ADCK2: variants seen among roughly 807,000 people sequenced by gnomAD.
ADCK2 encodes the protein aarF domain containing kinase 2.
In ADCK2, 37 loss-of-function variants were observed where a neutral mutation model predicts 52.3. That is an observed-to-expected ratio of 0.71 (90% confidence interval 0.54 to 0.93). The LOEUF is 0.93. ADCK2 is among the 40% of genes least tolerant of loss of function. The pLI is 0.00. For synonymous variants in ADCK2, 321 were observed against 349.2 expected (o/e 0.92, Z 0.90); for missense variants, 695 against 798.7 (o/e 0.87, Z 1.56).
chr7:140,673,355 G>A lies in ADCK2; in HGVS notation c.25G>A (p.Val9Ile), dbSNP rs767719347. The change falls in exon 1 of 8, where the codon GTC becomes ATC. Residue 9 changes from valine to isoleucine, a missense_variant. Physicochemically the swap from Val to Ile is conservative, Grantham distance 29 (BLOSUM62 3). Coordinates refer to ENST00000072869, the MANE Select transcript of ADCK2 (RefSeq NM_052853.4). This position sits in a 1 kb window ranked among gnomAD's most constrained non-coding sequence, Gnocchi z 6.4. ...GATGGTGGCGCCCTGGCGCGTCTCC[G>A]TCAGGGTTTGCCTGTCGCACCTGAG... MVAPWRVS[V>I]RVCLSHLRCF... 2 of 1,475,910 alleles carry A rather than the reference G, an allele frequency of 1.4e-6. No homozygotes were observed. Among genetic ancestry groups the A allele is most frequent in the South Asian group, 1.4e-5 (1 of 72,468 alleles). The allele number at this position is 1,475,910 out of a possible 1,614,324, so 91.4% of individuals were successfully genotyped here.
intron 7 of ADCK2, 109 bp downstream of exon 7, chr7:140,690,922 T>G: frequency 9.4e-7 from 1 of 1,063,026 alleles, no homozygotes; most frequent in Non-Finnish European, 1.4e-6. Context: ...TCTTGTTTTT[T>G]GTTGTTGTTT....
chr7:140,683,637 G>A lies in ADCK2; in HGVS notation c.1305+2500G>A, dbSNP rs115093675. Reference sequence around the variant, plus strand: ...CCCCCAGCTGAAGAGGGGCCTGGCCGCATCAGGAGGGCATTCTTTGTTTCA... The same window carrying A: ...CCCCCAGCTGAAGAGGGGCCTGGCCACATCAGGAGGGCATTCTTTGTTTCA... On this transcript the variant is annotated intron_variant, in intron 4 of 7. Coordinates refer to ENST00000072869, the MANE Select transcript of ADCK2 (RefSeq NM_052853.4). Among the ~76,000 whole-genome samples, 1,408 of 152,292 alleles carry A rather than the reference G, an allele frequency of 9.2e-3. 25 individuals carry two copies. Among genetic ancestry groups the A allele is most frequent in the African/African-American group, 0.032 (1,318 of 41,554 alleles).
chr7:140,681,266 G>A (rs1259734181), intron 4 of ADCK2, 129 bp downstream of exon 4: 3 of 794,586 alleles, frequency 3.8e-6, no homozygotes, highest in Non-Finnish European at 6.3e-6. Flanking sequence ...GAGAAAGTCT[G>A]GTCTAGAAAG....
At position 140,674,707 on chromosome 7, in the gene ADCK2, C is replaced by T. The variant is rs745424795; in HGVS notation, c.1030C>T (p.Leu344Phe). ...VLGVLPGIKW[L>F]SLPEIVEEFE... The stretch of plus-strand genomic sequence containing the variant: ...GGGAGTTTTGCCAGGCATCAAGTGG[C>T]TTAGCTTGCCTGAGATTGTGGAGGA... The change falls in exon 2 of 8, where the codon CTT becomes TTT. Residue 344 changes from leucine to phenylalanine, a missense_variant. Leu to Phe is a conservative substitution (Grantham distance 22). Coordinates refer to ENST00000072869, the MANE Select transcript of ADCK2 (RefSeq NM_052853.4). This position sits in a 1 kb window ranked among gnomAD's most constrained non-coding sequence, Gnocchi z 4.6. 1 of 1,614,174 alleles carries T rather than the reference C, an allele frequency of 6.2e-7. No individual in the cohort carries two copies. The highest frequency in any genetic ancestry group is 1.1e-5 in the South Asian group (1 of 91,072).
chr7:140,691,322 C>G (rs1794699244), intron 7 of ADCK2, among the ~76,000 whole-genome samples: 1 of 152,222 alleles, frequency 6.6e-6, no homozygotes, highest in South Asian at 2.1e-4. Context: ...GTCTAAGTAT[C>G]TGTGACATTT....
intron 5 of ADCK2, among the ~76,000 whole-genome samples, chr7:140,689,273 T>TA (rs1238409744): frequency 3.9e-5 from 6 of 151,954 alleles, no homozygotes; most frequent in Non-Finnish European, 7.4e-5. Context: ...TGGCTCTTTT[T>TA]AAAAAAAAAT....
chr7:140,680,951 G>A (rs1024112171), intron 3 of ADCK2, 91 bp from the exon 4 acceptor site: 3 of 1,135,444 alleles, frequency 2.6e-6, no homozygotes, highest in Non-Finnish European at 4.0e-6. Context: ...CCCAATAAGT[G>A]AGAAGACAGC....
chr7:140,688,314 G>C (rs1794643761), intron 5 of ADCK2, among the ~76,000 whole-genome samples: 1 of 152,162 alleles, frequency 6.6e-6, no homozygotes, highest in Non-Finnish European at 1.5e-5. Flanking sequence ...AAGGTGCTGG[G>C]ATTACAGGTG....
At chr7:140,688,977 T>A (rs992618543) in intron 5 of ADCK2, among the ~76,000 whole-genome samples, 1 of 152,070 alleles carries the variant, frequency 6.6e-6, no homozygotes, top group Non-Finnish European at 1.5e-5. Flanking sequence ...TAATTAATTT[T>A]TTTTTTTTGA....
chr7:140,692,028 A>T (rs561053942), intron 7 of ADCK2, among the ~76,000 whole-genome samples: 6 of 152,342 alleles, frequency 3.9e-5, no homozygotes, highest in African/African-American at 1.2e-4. Context: ...TTCACTAGGC[A>T]CTTAAGTTTG....
chr7:140,694,095 A>AG lies in ADCK2; in HGVS notation c.1741-566dup, dbSNP rs1289862211. Among the ~76,000 whole-genome samples the AG allele has an allele frequency of 3.3e-5, 5 of 152,164 alleles. No homozygotes were observed. In the East Asian group the frequency reaches 9.7e-4, roughly 29 times the overall value. Reference sequence around the variant, plus strand: ...CAGCACTTGGGGCAGCCAAGGTGGGAGGATTGCTTGGGGCCAGGAGTTCGA... The same window carrying AG: ...CAGCACTTGGGGCAGCCAAGGTGGGAGGGATTGCTTGGGGCCAGGAGTTCGA... On this transcript the variant is annotated intron_variant, in intron 7 of 7. Transcript: ENST00000072869.
chr7:140,674,818 A>G lies in ADCK2; in HGVS notation c.1080+61A>G. 6.5e-7 allele frequency: 1 copy of G among 1,549,688 alleles called. No homozygotes were observed. Among genetic ancestry groups the G allele is most frequent in the Non-Finnish European group, 8.8e-7 (1 of 1,138,304 alleles). ...AACATAGTTCTTGCCATTAGCTGCT[A>G]CTTAGTAAATGTTGAATGAATAATT... is the stretch of plus-strand genomic sequence containing the variant. On this transcript the variant is annotated intron_variant, in intron 2 of 7. Coordinates refer to ENST00000072869, the MANE Select transcript of ADCK2 (RefSeq NM_052853.4). The surrounding 1 kb of genome is among the most constrained non-coding windows in gnomAD (Gnocchi z 4.6).
Position 140,673,697 on chromosome 7 carries a change from GCTCCCAGCGTCTCCACC to G in ADCK2, c.371_387del (p.Pro124LeufsTer54). 1 of 1,610,622 alleles carries G rather than the reference GCTCCCAGCGTCTCCACC, an allele frequency of 6.2e-7. No homozygotes were observed. Among genetic ancestry groups the G allele is most frequent in the Middle Eastern group, 1.7e-4 (1 of 6,058 alleles). ...ACTCCTCTACCCCCTCACCTACCTG[GCTCCCAGCGTCTCCACC>G]CTCTGGCTCCACCTGCTTCTGAAAG... On this transcript the variant is annotated frameshift_variant, in exon 1 of 8. Transcript: ENST00000072869. LOFTEE classifies it high-confidence loss of function. This position sits in a 1 kb window ranked among gnomAD's most constrained non-coding sequence, Gnocchi z 6.4.
At chr7:140,675,479 C>T (rs1794386321) in intron 2 of ADCK2, among the ~76,000 whole-genome samples, 2 of 152,166 alleles carry the variant, frequency 1.3e-5, no homozygotes, top group South Asian at 4.1e-4. Flanking sequence ...TCAGGGGACT[C>T]AATTTCTTCC....
At chr7:140,679,054 A>C in intron 2 of ADCK2, 101 bp from the exon 3 acceptor site, 1 of 1,439,780 alleles carries the variant, frequency 6.9e-7, no homozygotes, top group Non-Finnish European at 9.5e-7. Flanking sequence ...CTGGTGGGGA[A>C]GGTGGGGTGG....
intron 3 of ADCK2, 24 bp from the exon 4 acceptor site, chr7:140,681,018 G>C (rs755368500): frequency 5.0e-6 from 8 of 1,610,290 alleles, no homozygotes; most frequent in East Asian, 2.2e-5. Context: ...GGATTAAGCT[G>C]TTCTCTCCCT....
chr7:140,684,616 C>T (rs914996590), intron 4 of ADCK2, among the ~76,000 whole-genome samples: 1 of 152,156 alleles, frequency 6.6e-6, no homozygotes, highest in Non-Finnish European at 1.5e-5. Context: ...ATCGAGGAGT[C>T]AGAGATCGAG....
At position 140,687,121 on chromosome 7, in the gene ADCK2, C is replaced by G. The variant is rs774378007; in HGVS notation, c.1437C>G (p.Ala479=). The part of the protein sequence containing the change: ...QADICDTLVV[A]VPSSLCPLRL... ...ACATCTGTGACACTCTGGTGGTGGC[C>G]GTGCCATCTTCCCTCTGCCCGCTGC... The change falls in exon 5 of 8, where the codon GCC becomes GCG. Residue 479 remains alanine (A), a synonymous_variant. Transcript: ENST00000072869. 6.2e-7 allele frequency: 1 copy of G among 1,613,792 alleles called. No homozygotes were observed. The highest frequency in any genetic ancestry group is 1.1e-5 in the South Asian group (1 of 91,050).
intron 7 of ADCK2, among the ~76,000 whole-genome samples, chr7:140,691,172 C>G (rs1394010095): frequency 6.6e-6 from 1 of 152,084 alleles, no homozygotes; most frequent in African/African-American, 2.4e-5. Context: ...GTGATCCACC[C>G]TTCTCGGCCT....
Sources: allele counts gnomAD v4.1 joint callset (sites outside exome capture counted in the v4.1 genomes callset), GRCh38; gene constraint gnomAD v4.1.1; non-coding constraint Gnocchi (gnomAD v3.1); transcripts MANE v1.5; gene names NCBI Gene and HGNC (gene_info 2026-07-23, HGNC 2026-07-21).